MYRIP: variants seen among roughly 807,000 people sequenced by gnomAD.
MYRIP encodes the protein myosin VIIA and Rab interacting protein, also known as rab effector MyRIP.
A neutral mutation model predicts 98.0 loss-of-function variants in MYRIP; 49 were observed. The ratio of observed to expected loss-of-function variants is 0.50; its 90% confidence interval spans 0.40 to 0.63. The LOEUF (loss-of-function observed/expected upper bound fraction) is 0.63, where lower values mean the gene tolerates loss of function less well. Ranked by LOEUF, MYRIP falls within the 30% of genes least tolerant of loss-of-function variation. The pLI, the probability that MYRIP is intolerant of heterozygous loss-of-function variation, is 0.00. For synonymous variants in MYRIP, 404 were observed against 409.5 expected (o/e 0.99, Z 0.16); for missense variants, 1,004 against 1,058.2 (o/e 0.95, Z 0.71).
chr3:40,201,069 G>A (rs1198868274), intron 10 of MYRIP, among the ~76,000 whole-genome samples: 1 of 152,192 alleles, frequency 6.6e-6, no homozygotes, highest in African/African-American at 2.4e-5. Context: ...TTATTGGAAC[G>A]CTAAGCATGT....
At chr3:39,887,736 T>C (rs1943349589) in intron 1 of MYRIP, among the ~76,000 whole-genome samples, 1 of 152,128 alleles carries the variant, frequency 6.6e-6, no homozygotes, top group Admixed American at 6.5e-5. Flanking sequence ...GGAAGTCAAA[T>C]TGTCCCTGTT....
At chr3:39,930,829 A>C (rs552497378) in intron 2 of MYRIP, among the ~76,000 whole-genome samples, 2 of 152,194 alleles carry the variant, frequency 1.3e-5, no homozygotes, top group South Asian at 4.1e-4. Flanking sequence ...TAACCAATTC[A>C]CTATAAATTT....
At chr3:40,024,919 C>A (rs1403957459) in intron 2 of MYRIP, among the ~76,000 whole-genome samples, 2 of 152,172 alleles carry the variant, frequency 1.3e-5, no homozygotes, top group African/African-American at 2.4e-5. Flanking sequence ...ATTTATGGGG[C>A]AGCTTTTACT....
At chr3:40,180,164 G>A (rs531017488) in intron 8 of MYRIP, among the ~76,000 whole-genome samples, 1 of 152,258 alleles carries the variant, frequency 6.6e-6, no homozygotes, top group Non-Finnish European at 1.5e-5. Context: ...TTACATGTGT[G>A]TTAGCTTGGC....
At chr3:40,051,665 G>A (rs1395185078) in intron 3 of MYRIP, among the ~76,000 whole-genome samples, 2 of 152,044 alleles carry the variant, frequency 1.3e-5, no homozygotes, top group Non-Finnish European at 1.5e-5. Context: ...TCAGTGAATG[G>A]GAGAAAAATT....
chr3:39,918,166 G>A (rs1575377951), intron 2 of MYRIP, among the ~76,000 whole-genome samples: 1 of 152,006 alleles, frequency 6.6e-6, no homozygotes, highest in East Asian at 1.9e-4. Flanking sequence ...CACCCGCCTC[G>A]GCCTCCCAGA....
intron 13 of MYRIP, among the ~76,000 whole-genome samples, chr3:40,247,707 A>G (rs983486441): frequency 2.0e-5 from 3 of 152,172 alleles, no homozygotes; most frequent in Non-Finnish European, 4.4e-5. Flanking sequence ...TATTTTTAGT[A>G]GAGAGAGGGT....
chr3:39,915,887 A>C (rs1484352555), intron 2 of MYRIP, among the ~76,000 whole-genome samples: 1 of 152,010 alleles, frequency 6.6e-6, no homozygotes, highest in Non-Finnish European at 1.5e-5. Context: ...AGTTCCCATT[A>C]AATTTATTTC....
intron 1 of MYRIP, among the ~76,000 whole-genome samples, chr3:39,842,234 C>T (rs1363941883): frequency 1.3e-5 from 2 of 152,180 alleles, no homozygotes; most frequent in Non-Finnish European, 2.9e-5. Flanking sequence ...CCAGTTTGAA[C>T]TTCCAGGTGG....
At chr3:40,104,675 C>T (rs558804191) in intron 3 of MYRIP, among the ~76,000 whole-genome samples, 7 of 152,322 alleles carry the variant, frequency 4.6e-5, no homozygotes, top group African/African-American at 1.7e-4. Context: ...TTTCCTGGCA[C>T]AGCAGGTGCA....
In MYRIP at chr3:40,189,871, T is replaced by C. The variant is rs1175914139; in HGVS notation, c.1073T>C (p.Leu358Pro). The C allele has an allele frequency of 1.2e-6, 2 of 1,614,034 alleles. No homozygotes were observed. Among genetic ancestry groups the C allele is most frequent in the South Asian group, 2.2e-5 (2 of 91,080 alleles). Residue 358 changes from leucine to proline, a missense_variant, in exon 10 of 17, where the codon CTG (leucine) becomes CCG (proline). Coordinates refer to ENST00000302541, the MANE Select transcript of MYRIP (RefSeq NM_015460.4). The stretch of plus-strand genomic sequence containing the variant: ...AGCCCCGACGGGAACTGGGTGGCCC[T>C]GAAGGATGGCGCTCCACCCCCCACC... ...LQSPDGNWVA[L>P]KDGAPPPTRL...
In MYRIP at chr3:40,015,899, T is replaced by A. The variant is rs190618806; in HGVS notation, c.111-28151T>A. On this transcript the variant is annotated intron_variant, in intron 2 of 16. Transcript: ENST00000302541. The stretch of plus-strand genomic sequence containing the variant: ...AACCACTCCTAACTGCAGTCCAGTT[T>A]CTATAACATTCCCCACTTCACTGAA... 3.2e-4 allele frequency among the ~76,000 whole-genome samples: 48 copies of A among 152,274 alleles called. No homozygotes were observed. In the East Asian group the frequency reaches 7.0e-3, roughly 22 times the overall value.
intron 1 of MYRIP, among the ~76,000 whole-genome samples, chr3:39,885,923 T>C (rs1414873306): frequency 6.6e-6 from 1 of 151,922 alleles, no homozygotes; most frequent in Non-Finnish European, 1.5e-5. Flanking sequence ...AGTTTTCAAC[T>C]TGTTTGCCTT....
intron 2 of MYRIP, among the ~76,000 whole-genome samples, chr3:40,032,890 T>C (rs76394956): frequency 0.91 from 138,525 of 152,134 alleles, 63,909 homozygotes; most frequent in Non-Finnish European, 0.99. Context: ...TAGGCTTCAT[T>C]CCTGTGATGC....
intron 2 of MYRIP, among the ~76,000 whole-genome samples, chr3:39,955,146 C>T (rs1945123175): frequency 6.6e-6 from 1 of 152,064 alleles, no homozygotes; most frequent in Non-Finnish European, 1.5e-5. Context: ...CAAGACAGGC[C>T]AACATTCAAA....
chr3:40,098,748 G>GTGTGTGTGTGTGTGTGTA (rs1341958122), intron 3 of MYRIP, among the ~76,000 whole-genome samples: 1 of 150,580 alleles, frequency 6.6e-6, no homozygotes, highest in Non-Finnish European at 1.5e-5. Flanking sequence ...CATTGTGTGT[G>GTGTGTGTGTGTGTGTGTA]TGTGTGTGTG....
intron 3 of MYRIP, among the ~76,000 whole-genome samples, chr3:40,069,522 A>G (rs1385239853): frequency 6.6e-6 from 1 of 152,010 alleles, no homozygotes; most frequent in African/African-American, 2.4e-5. Context: ...AACCATCACT[A>G]TCCATCTCCA....
chr3:40,020,787 T>C (rs1318599039), intron 2 of MYRIP, among the ~76,000 whole-genome samples: 1 of 152,176 alleles, frequency 6.6e-6, no homozygotes, highest in Non-Finnish European at 1.5e-5. Context: ...GTATCTTGTA[T>C]TCTCAAAACT....
chr3:39,930,247 C>G (rs1331928405), intron 2 of MYRIP, among the ~76,000 whole-genome samples: 1 of 151,958 alleles, frequency 6.6e-6, no homozygotes, highest in East Asian at 1.9e-4. Flanking sequence ...CACAGCCATC[C>G]TGGTGGGTAT....
Sources: allele counts gnomAD v4.1 joint callset (sites outside exome capture counted in the v4.1 genomes callset), GRCh38; gene constraint gnomAD v4.1.1; transcripts MANE v1.5; gene names NCBI Gene and HGNC (gene_info 2026-07-23, HGNC 2026-07-21).